SHFL: variants seen among roughly 807,000 people sequenced by gnomAD.
SHFL encodes the protein shiftless antiviral inhibitor of ribosomal frameshifting protein.
SHFL carries 12 observed loss-of-function variants against 34.7 expected under a neutral mutation model. The ratio of observed to expected loss-of-function variants is 0.35; its 90% CI spans 0.22 to 0.56. The LOEUF (loss-of-function observed/expected upper bound fraction) is 0.56, where lower values mean the gene tolerates loss of function less well. SHFL is among the 20% of genes least tolerant of loss of function. The probability of loss-of-function intolerance (pLI) is 0.88; values close to 1 mark genes in which losing one functional copy is unlikely to be tolerated. For synonymous variants in SHFL, 148 were observed against 156.0 expected, an observed-to-expected ratio of 0.95 and a Z score of 0.38; for missense variants, 278 against 411.1, an observed-to-expected ratio of 0.68 and a Z score of 2.80.
chr19:10,092,552 A>G lies in SHFL; in HGVS notation c.*250A>G, dbSNP rs773334765. On this transcript the variant is annotated 3_prime_UTR_variant, in exon 8 of 8. Coordinates refer to ENST00000253110, the MANE Select transcript of SHFL (RefSeq NM_018381.4). ...GAACAACTTGGGCTCCTGCTGACCAATGTCCTCTAGGGCCTAGGGGACAGA... is the reference window on the plus strand; with the variant it reads ...GAACAACTTGGGCTCCTGCTGACCAGTGTCCTCTAGGGCCTAGGGGACAGA... The G allele has an allele frequency of 5.8e-6, 9 of 1,563,378 alleles. No individual in the cohort carries two copies. The East Asian group carries it at 6.8e-5, about 12-fold the overall frequency.
rs139505689 is a variant in SHFL at position 10,086,812 on chromosome 19, G to GC, written c.22-117_22-116insC. ...GTAAAGGGATGAAAGGCGGGGGGGGGGCGGCGGAGGCCAAAACCAAGGGTC... is the reference window on the plus strand; with the variant it reads ...GTAAAGGGATGAAAGGCGGGGGGGGGCGCGGCGGAGGCCAAAACCAAGGGTC... On this transcript the variant is annotated intron_variant, in intron 1 of 7. Coordinates refer to ENST00000253110, the MANE Select transcript of SHFL (RefSeq NM_018381.4). This position sits in a 1 kb window ranked among gnomAD's most constrained non-coding sequence, Gnocchi z 5.2. The GC allele has an allele frequency of 0.17, 203,834 of 1,209,542 alleles. 18,689 individuals are homozygous for GC. The highest frequency in any genetic ancestry group is 0.31 in the East Asian group (11,943 of 38,778). The allele number at this position is 1,209,542 out of a possible 1,614,324, so 74.9% of individuals were successfully genotyped here.
rs370833713 is a variant in SHFL, at chr19:10,087,072, G to A, written c.145+20G>A. 38 of 1,606,316 alleles carry A rather than the reference G, an allele frequency of 2.4e-5. No homozygotes were observed. Among genetic ancestry groups the A allele is most frequent in the Non-Finnish European group, 3.1e-5 (36 of 1,176,110 alleles). ...TGTACGGTGAGGCTGCAGGGGTCCC[G>A]GGCCTGGTGCGGGGACCGCGCGTGG... is the stretch of plus-strand genomic sequence containing the variant. On this transcript the variant is annotated intron_variant, in intron 2 of 7. Transcript: ENST00000253110.
chr19:10,090,023 G>A lies in SHFL; in HGVS notation c.360G>A (p.Trp120Ter). 6.2e-7 allele frequency: 1 copy of A among 1,605,394 alleles called. No individual in the cohort carries two copies. The highest frequency in any genetic ancestry group is 8.5e-7 in the Non-Finnish European group (1 of 1,176,542). ...GCTCCTCCTGCGACCACGTCTGGTG[G>A]CGCCGCGTGCCCCAGCGGAAGGAGG... Reference protein sequence around the residue: ...FACSSCDHVWWRRVPQRKEVS... With the variant: ...FACSSCDHVW Residue 120 changes from tryptophan (W) to a stop codon, truncating the protein, a stop_gained, in exon 5 of 8, where the codon TGG (tryptophan) becomes TGA (stop). Transcript: ENST00000253110. LOFTEE classifies it high-confidence loss of function.
At position 10,091,324 on chromosome 19, in the gene SHFL, C is replaced by T. The variant is rs2088381529; in HGVS notation, c.459C>T (p.Phe153=). The T allele has an allele frequency of 3.1e-6, 5 of 1,613,848 alleles. No homozygotes were observed. Among genetic ancestry groups the T allele is most frequent in the Non-Finnish European group, 4.2e-6 (5 of 1,179,814 alleles). Residue 153 remains phenylalanine (F), a synonymous_variant, in exon 6 of 8, where the codon TTC becomes TTT. Coordinates refer to ENST00000253110, the MANE Select transcript of SHFL (RefSeq NM_018381.4). This position sits in a 1 kb window ranked among gnomAD's most constrained non-coding sequence, Gnocchi z 8.2. ...ACAAGATGTGGGGCCTGGCTGAGTT[C>T]CACTGCCCGAAGTGTCGGCACAACT... ...PADKMWGLAE[F]HCPKCRHNFR...
rs1040105942 is a variant in SHFL, at chr19:10,086,704, C to T, written c.22-225C>T. On this transcript the variant is annotated intron_variant, in intron 1 of 7. Coordinates refer to ENST00000253110, the MANE Select transcript of SHFL (RefSeq NM_018381.4). The surrounding 1 kb of genome is among the most constrained non-coding windows in gnomAD (Gnocchi z 5.2). The stretch of plus-strand genomic sequence containing the variant: ...GCCAGAGATAACCTGGCCGCCCCCC[C>T]ACACCTTAGGCTGGGACGCTCGCCC... The T allele has an allele frequency of 1.5e-5, 9 of 615,034 alleles. No homozygotes were observed. In the South Asian group the frequency reaches 2.0e-4, roughly 14 times the overall value. The allele number at this position is 615,034 out of a possible 1,614,324, so 38.1% of individuals were successfully genotyped here.
Position 10,092,874 on chromosome 19 carries a change from C to A in SHFL, c.*572C>A. 9.6e-7 allele frequency: 1 copy of A among 1,040,736 alleles called. No individual in the cohort carries two copies. Among genetic ancestry groups the A allele is most frequent in the Non-Finnish European group, 1.3e-6 (1 of 747,350 alleles). The allele number at this position is 1,040,736 out of a possible 1,614,324, so 64.5% of individuals were successfully genotyped here. ...GGCTTTTGCCAGGCATCCCCTGGCCCCTCCCATTCTTATTGAATACAAGCC... is the reference window on the plus strand; with the variant it reads ...GGCTTTTGCCAGGCATCCCCTGGCCACTCCCATTCTTATTGAATACAAGCC... On this transcript the variant is annotated 3_prime_UTR_variant, in exon 8 of 8. Coordinates refer to ENST00000253110, the MANE Select transcript of SHFL (RefSeq NM_018381.4).
Position 10,092,499 on chromosome 19 carries a change from G to T in SHFL, c.*197G>T. On this transcript the variant is annotated 3_prime_UTR_variant, in exon 8 of 8. Coordinates refer to ENST00000253110, the MANE Select transcript of SHFL (RefSeq NM_018381.4). The stretch of plus-strand genomic sequence containing the variant: ...GTGGGAAGTTCTGTGGGACACATTG[G>T]CACTGAGCCACAAAGAAGGTGTGGC... The T allele has an allele frequency of 6.6e-7, 1 of 1,523,484 alleles. No homozygotes were observed. Among genetic ancestry groups the T allele is most frequent in the Non-Finnish European group, 8.9e-7 (1 of 1,127,912 alleles). The allele number at this position is 1,523,484 out of a possible 1,614,324, so 94.4% of individuals were successfully genotyped here. A position where few individuals can be genotyped will look rare whatever the true frequency, so the allele number is the denominator to read the frequency against.
At position 10,086,515 on chromosome 19, in the gene SHFL, G is replaced by T. The variant is rs2088286430; in HGVS notation, c.21+67G>T. The T allele has an allele frequency of 6.9e-6, 9 of 1,306,686 alleles. No individual in the cohort carries two copies. Among genetic ancestry groups the T allele is most frequent in the Non-Finnish European group, 8.9e-6 (9 of 1,016,826 alleles). The allele number at this position is 1,306,686 out of a possible 1,614,324, so 80.9% of individuals were successfully genotyped here. A position where few individuals can be genotyped will look rare whatever the true frequency, so the allele number is the denominator to read the frequency against. On this transcript the variant is annotated intron_variant, in intron 1 of 7. Transcript: ENST00000253110. The surrounding 1 kb of genome is among the most constrained non-coding windows in gnomAD (Gnocchi z 5.2). Reference sequence around the variant, plus strand: ...ACCCCGAGGAGCGGCCGGGAGGCGCGGAGGGGGCTTCGCAGTTCCTGGGGA... The same window carrying T: ...ACCCCGAGGAGCGGCCGGGAGGCGCTGAGGGGGCTTCGCAGTTCCTGGGGA...
At position 10,086,484 on chromosome 19, in the gene SHFL, C is replaced by T. The variant is rs779489205; in HGVS notation, c.21+36C>T. 1.5e-6 allele frequency: 2 copies of T among 1,348,956 alleles called. No homozygotes were observed. Among genetic ancestry groups the T allele is most frequent in the Non-Finnish European group, 1.9e-6 (2 of 1,044,248 alleles). The allele number at this position is 1,348,956 out of a possible 1,614,324, so 83.6% of individuals were successfully genotyped here. A position where few individuals can be genotyped will look rare whatever the true frequency, so the allele number is the denominator to read the frequency against. ...GCTACGGCTGGGCCGGGGTCAGCCG[C>T]GACAGACCCCGAGGAGCGGCCGGGA... On this transcript the variant is annotated intron_variant, in intron 1 of 7. Transcript: ENST00000253110. This position sits in a 1 kb window ranked among gnomAD's most constrained non-coding sequence, Gnocchi z 5.2.
At chr19:10,089,405 A>C (rs1480332538) in intron 3 of SHFL, 3 of 1,597,616 alleles carry the variant, frequency 1.9e-6, no homozygotes, top group Non-Finnish European at 2.5e-6. Flanking sequence ...GGCTAGCCTC[A>C]CTCAGGCAAG....
At position 10,089,985 on chromosome 19, in the gene SHFL, C is replaced by T. The variant is rs944898044; in HGVS notation, c.322C>T (p.Arg108Trp). The change falls in exon 5 of 8, where the codon CGG becomes TGG. Residue 108 changes from arginine to tryptophan, a missense_variant. By Grantham distance (101) the Arg-to-Trp change is moderately radical (BLOSUM62 -3). Transcript: ENST00000253110. ...AQDDLIPAVD[R>W]QFACSSCDHV... ...GGACGACCTTATCCCTGCTGTGGAC[C>T]GGCAGTTTGCCTGCTCCTCCTGCGA... The T allele has an allele frequency of 6.8e-6, 11 of 1,609,440 alleles. No individual in the cohort carries two copies. Among genetic ancestry groups the T allele is most frequent in the Middle Eastern group, 1.7e-4 (1 of 6,060 alleles).
At chr19:10,090,942 T>C (rs918499036) in intron 5 of SHFL, among the ~76,000 whole-genome samples, 2 of 151,642 alleles carry the variant, frequency 1.3e-5, no homozygotes, top group Non-Finnish European at 2.9e-5. Context: ...AGAAACCAAA[T>C]CTGACCTCAA....
At position 10,092,979 on chromosome 19, in the gene SHFL, C is replaced by T. The variant is rs1259538222; in HGVS notation, c.*677C>T. On this transcript the variant is annotated 3_prime_UTR_variant, in exon 8 of 8. Coordinates refer to ENST00000253110, the MANE Select transcript of SHFL (RefSeq NM_018381.4). ...TCAGAGTAATAGCCTTAATTCCTTC[C>T]CTATCTCCTTACCAAAGTACAAGTC... The T allele has an allele frequency of 3.9e-6, 2 of 510,812 alleles. No homozygotes were observed. The highest frequency in any genetic ancestry group is 6.8e-6 in the Non-Finnish European group (2 of 294,990). 31.6% of individuals were successfully genotyped at this position (510,812 alleles called of 1,614,324 possible). A position where few individuals can be genotyped will look rare whatever the true frequency, so the allele number is the denominator to read the frequency against.
In SHFL at chr19:10,086,512, C is replaced by T. The variant is rs1008688216; in HGVS notation, c.21+64C>T. 21 of 1,311,530 alleles carry T rather than the reference C, an allele frequency of 1.6e-5. No homozygotes were observed. Among genetic ancestry groups the T allele is most frequent in the East Asian group, 2.9e-5 (1 of 34,548 alleles). The allele number at this position is 1,311,530 out of a possible 1,614,324, so 81.2% of individuals were successfully genotyped here. On this transcript the variant is annotated intron_variant, in intron 1 of 7. Transcript: ENST00000253110. The surrounding 1 kb of genome is among the most constrained non-coding windows in gnomAD (Gnocchi z 5.2). ...CAGACCCCGAGGAGCGGCCGGGAGG[C>T]GCGGAGGGGGCTTCGCAGTTCCTGG...
At chr19:10,089,064 G>A (rs1433787014) in intron 3 of SHFL, 1 of 513,958 alleles carries the variant, frequency 1.9e-6, no homozygotes, top group Admixed American at 3.7e-5. Flanking sequence ...TTTCATCACT[G>A]CAGTGACCCC....
In SHFL at chr19:10,093,066, G is replaced by C; in HGVS notation, c.*764G>C. 4.1e-6 allele frequency: 2 copies of C among 491,880 alleles called. No homozygotes were observed. The highest frequency in any genetic ancestry group is 6.2e-5 in the East Asian group (2 of 32,280). 30.5% of individuals were successfully genotyped at this position (491,880 alleles called of 1,614,324 possible). ...CCGTTCATTCCTTTATCAAAGAAAA[G>C]TATCTACTTCCTTTCTAGAATAAGA... On this transcript the variant is annotated 3_prime_UTR_variant, in exon 8 of 8. Coordinates refer to ENST00000253110, the MANE Select transcript of SHFL (RefSeq NM_018381.4).
In SHFL at chr19:10,086,510, G is replaced by A. The variant is rs2088286302; in HGVS notation, c.21+62G>A. ...GACAGACCCCGAGGAGCGGCCGGGA[G>A]GCGCGGAGGGGGCTTCGCAGTTCCT... On this transcript the variant is annotated intron_variant, in intron 1 of 7. Coordinates refer to ENST00000253110, the MANE Select transcript of SHFL (RefSeq NM_018381.4). The surrounding 1 kb of genome is among the most constrained non-coding windows in gnomAD (Gnocchi z 5.2). 7.6e-7 allele frequency: 1 copy of A among 1,314,898 alleles called. No homozygotes were observed. The highest frequency in any genetic ancestry group is 9.8e-7 in the Non-Finnish European group (1 of 1,022,620). 81.5% of individuals were successfully genotyped at this position (1,314,898 alleles called of 1,614,324 possible).
rs2088408299 is a variant in SHFL, at chr19:10,092,320, T to C, written c.*18T>C. On this transcript the variant is annotated 3_prime_UTR_variant, in exon 8 of 8. Transcript: ENST00000253110. ...GGGAGTGACCCCTGCCAGGTGCAGA[T>C]ACAAACCAGACACGGTCTGTGGCTA... is the stretch of plus-strand genomic sequence containing the variant. 6.4e-7 allele frequency: 1 copy of C among 1,560,124 alleles called. No homozygotes were observed. Among genetic ancestry groups the C allele is most frequent in the East Asian group, 2.4e-5 (1 of 41,518 alleles).
At chr19:10,090,197 A>T in intron 5 of SHFL, 150 bp downstream of exon 5, 1 of 879,164 alleles carries the variant, frequency 1.1e-6, no homozygotes, top group Non-Finnish European at 1.7e-6. Context: ...TTGATCTCTG[A>T]TCCCAACCCC....
Sources: allele counts gnomAD v4.1 joint callset (sites outside exome capture counted in the v4.1 genomes callset), GRCh38; gene constraint gnomAD v4.1.1; non-coding constraint Gnocchi (gnomAD v3.1); transcripts MANE v1.5; gene names NCBI Gene and HGNC (gene_info 2026-07-23, HGNC 2026-07-21).